DMD: variants seen among roughly 807,000 people sequenced by gnomAD.
DMD encodes the protein dystrophin, also known as mutant dystrophin.
Under a neutral mutation model 330.1 loss-of-function variants are expected in DMD, and 63 were observed. The ratio of observed to expected loss-of-function variants is 0.19; its 90% CI spans 0.16 to 0.24. The LOEUF is 0.24. Ranked by LOEUF, DMD falls within the 10% of genes least tolerant of loss-of-function variation. The pLI is 1.00. For missense variants in DMD, 3,344 were observed against 2,684.1 expected (o/e 1.25, Z -5.43); for synonymous variants, 1,223 against 959.8 (o/e 1.27, Z -5.07).
intron 2 of DMD, among the ~76,000 whole-genome samples, chrX:33,011,112 G>C (rs984995132): frequency 9.0e-6 from 1 of 111,468 alleles, no homozygotes; most frequent in African/African-American, 3.3e-5. Context: ...AAATGTAAAG[G>C]GTAGACTTCA....
intron 44 of DMD, among the ~76,000 whole-genome samples, chrX:31,988,316 T>TA (rs1355135504): frequency 9.4e-6 from 1 of 106,216 alleles, no homozygotes; most frequent in Non-Finnish European, 1.9e-5. Flanking sequence ...ACTAAAAAAA[T>TA]ACAAAAAATT....
chrX:32,137,180 ATTG>A (rs2096730585), intron 44 of DMD, among the ~76,000 whole-genome samples: 1 of 111,824 alleles, frequency 8.9e-6, no homozygotes, highest in African/African-American at 3.2e-5. Context: ...AGAACCAGAT[ATTG>A]GAATTGCTGC....
At chrX:33,307,961 G>A (rs1203178098) in intron 1 of DMD, among the ~76,000 whole-genome samples, 1 of 111,808 alleles carries the variant, frequency 8.9e-6, no homozygotes, top group Non-Finnish European at 1.9e-5. Flanking sequence ...AAGATGTGAG[G>A]CATAAACATA....
chrX:33,272,755 C>G (rs2053179827), intron 1 of DMD, among the ~76,000 whole-genome samples: 1 of 110,032 alleles, frequency 9.1e-6, no homozygotes, highest in Non-Finnish European at 1.9e-5. Context: ...CCACATTGTT[C>G]TGGGAAAGAA....
chrX:32,389,387 A>G, intron 32 of DMD, 114 bp downstream of exon 32: 5 of 858,909 alleles, frequency 5.8e-6, no homozygotes, highest in Non-Finnish European at 6.8e-6. Context: ...TCTTAAAATT[A>G]CATAGTATAA....
intron 7 of DMD, among the ~76,000 whole-genome samples, chrX:32,796,934 A>T (rs1211213844): frequency 1.8e-5 from 2 of 112,051 alleles, no homozygotes; most frequent in African/African-American, 3.2e-5. Flanking sequence ...ATTTTACCCA[A>T]ATATTGTTGT....
chrX:32,758,362 G>T (rs1317144989), intron 7 of DMD, among the ~76,000 whole-genome samples: 1 of 111,443 alleles, frequency 9.0e-6, no homozygotes, highest in African/African-American at 3.3e-5. Context: ...AGATGGCAGA[G>T]ACTGCATTTA....
intron 51 of DMD, among the ~76,000 whole-genome samples, chrX:31,749,190 T>A (rs947866579): frequency 3.7e-5 from 4 of 109,041 alleles, no homozygotes; most frequent in Admixed American, 2.0e-4. Context: ...ATGTGCACAA[T>A]GTGCAGGTTA....
rs1351865681 is a variant in DMD at position 32,867,049 on chromosome X, C to G, written c.94-17229G>C. Among the ~76,000 whole-genome samples, 4 of 111,316 alleles carry G rather than the reference C, an allele frequency of 3.6e-5. No individual in the cohort carries two copies. In the East Asian group the frequency reaches 1.1e-3, roughly 32 times the overall value. ...GTACCCGGCCAACTTTCAAATATTTCTAAAGCTACCTTTCGTAAGACTTAG... is the reference window on the plus strand; with the variant it reads ...GTACCCGGCCAACTTTCAAATATTTGTAAAGCTACCTTTCGTAAGACTTAG... On this transcript the variant is annotated intron_variant, in intron 2 of 78. Coordinates refer to ENST00000357033, the MANE Select transcript of DMD (RefSeq NM_004006.3).
intron 53 of DMD, among the ~76,000 whole-genome samples, chrX:31,664,664 G>GTT (rs57784016): frequency 0.4 from 32,613 of 82,003 alleles, 6,367 homozygotes; most frequent in African/African-American, 0.61. Flanking sequence ...TGTATCATAA[G>GTT]TTTTTTTTTT....
At chrX:32,592,074 G>A (rs2054986649) in intron 13 of DMD, among the ~76,000 whole-genome samples, 1 of 111,758 alleles carries the variant, frequency 8.9e-6, no homozygotes, top group South Asian at 3.8e-4. Flanking sequence ...GTGTGGGCCT[G>A]CAGGTACCCC....
At chrX:31,886,759 T>C (rs763408046) in intron 47 of DMD, among the ~76,000 whole-genome samples, 1 of 112,038 alleles carries the variant, frequency 8.9e-6, no homozygotes, top group Admixed American at 9.5e-5. Context: ...GGTAGGTTTT[T>C]GTAGTTCATA....
chrX:32,547,078 T>G (rs1275715988), intron 16 of DMD, among the ~76,000 whole-genome samples: 1 of 111,393 alleles, frequency 9.0e-6, no homozygotes, highest in African/African-American at 3.3e-5. Context: ...TGAATATTTT[T>G]TTAACCATGA....
chrX:32,220,768 G>A (rs190649080), intron 43 of DMD, among the ~76,000 whole-genome samples: 48 of 110,674 alleles, frequency 4.3e-4, no homozygotes, highest in African/African-American at 1.4e-3. Flanking sequence ...GAAGCAAATG[G>A]TAACAATGAG....
chrX:32,649,131 C>T lies in DMD; in HGVS notation c.961-3979G>A, dbSNP rs754405459. On this transcript the variant is annotated intron_variant, in intron 9 of 78. Coordinates refer to ENST00000357033, the MANE Select transcript of DMD (RefSeq NM_004006.3). ...GATTCTGTTTTTGTTTTTTTTTTTT[C>T]CCCCAAAATTGAGTACACTCAAATT... Among the ~76,000 whole-genome samples the T allele has an allele frequency of 2.0e-4, 21 of 103,578 alleles. No individual in the cohort carries two copies. The South Asian group carries it at 2.8e-3, about 14-fold the overall frequency. The allele number at this position is 103,578 out of a possible 115,157, so 89.9% of individuals were successfully genotyped here.
chrX:31,679,558 T>C lies in DMD; in HGVS notation c.7689A>G (p.Glu2563=), dbSNP rs759206524. 4 of 1,210,595 alleles carry C rather than the reference T, an allele frequency of 3.3e-6. No homozygotes were observed. Among genetic ancestry groups the C allele is most frequent in the Non-Finnish European group, 4.5e-6 (4 of 894,358 alleles). ...RIERIQNQWD[E]VQEHLQNRRQ... is the part of the protein sequence containing the mutation. ...TCCGGTTCTGAAGGTGTTCTTGTAC[T>C]TCATCCCACTGATTCTGAATTCTTT... The change falls in exon 53 of 79, where the codon GAA becomes GAG. Residue 2563 remains glutamate, a synonymous_variant. Transcript: ENST00000357033.
rs1481445275 is a variant in DMD at position 32,483,164 on chromosome X, T to TATATATATATATATATATACAC, written c.2803+1754_2803+1755insGTGTATATATATATATATATAT. Among the ~76,000 whole-genome samples, 27 of 61,610 alleles carry TATATATATATATATATATACAC rather than the reference T, an allele frequency of 4.4e-4. 2 individuals are homozygous for TATATATATATATATATATACAC. Among genetic ancestry groups the TATATATATATATATATATACAC allele is most frequent in the Non-Finnish European group, 5.2e-4 (15 of 29,025 alleles). The allele number at this position is 61,610 out of a possible 115,157, so 53.5% of individuals were successfully genotyped here. ...TTCATTCCATATATATATATATATA[T>TATATATATATATATATATACAC]ACACCATATTTAATTAAAGGGTTAT... On this transcript the variant is annotated intron_variant, in intron 21 of 78. Transcript: ENST00000357033.
intron 44 of DMD, among the ~76,000 whole-genome samples, chrX:32,089,236 T>C (rs1402141471): frequency 9.0e-6 from 1 of 111,305 alleles, no homozygotes; most frequent in African/African-American, 3.3e-5. Context: ...CAATCTCTTT[T>C]AACCCTTCTA....
At chrX:32,286,321 T>C (rs1172849887) in intron 43 of DMD, among the ~76,000 whole-genome samples, 3 of 112,059 alleles carry the variant, frequency 2.7e-5, no homozygotes, top group African/African-American at 6.5e-5. Flanking sequence ...CATTAAATGA[T>C]GAAACAATAT....
Sources: allele counts gnomAD v4.1 joint callset (sites outside exome capture counted in the v4.1 genomes callset), GRCh38; gene constraint gnomAD v4.1.1; transcripts MANE v1.5; gene names NCBI Gene and HGNC (gene_info 2026-07-23, HGNC 2026-07-21).